The following PCP4L1 variants were observed in gnomAD, a reference collection of about 807,000 sequenced individuals.
PCP4L1 encodes Purkinje cell protein 4-like protein 1.
In PCP4L1, 9 loss-of-function variants were observed where a neutral mutation model predicts 9.6. The ratio of observed to expected loss-of-function variants is 0.94; its 90% confidence interval spans 0.57 to 1.64. PCP4L1 has a LOEUF of 1.64. Among genes scored for constraint, PCP4L1 ranks in the 40% most tolerant of loss-of-function variants. PCP4L1 has a pLI of 0.00. For missense variants in PCP4L1, 81 were observed against 80.8 expected (o/e 1.00, Z -0.01); for synonymous variants, 31 against 28.2 (o/e 1.10, Z -0.31).
At chr1:161,268,465 C>A (rs1271538012) in intron 1 of PCP4L1, among the ~76,000 whole-genome samples, 2 of 152,088 alleles carry the variant, frequency 1.3e-5, no homozygotes, top group Non-Finnish European at 2.9e-5. Context: ...TATATTCAAC[C>A]CCAGGTTATA....
intron 1 of PCP4L1, among the ~76,000 whole-genome samples, chr1:161,281,796 G>C (rs151038108): frequency 2.5e-4 from 3 of 11,944 alleles, no homozygotes; most frequent in Admixed American, 1.0e-3. Flanking sequence ...ACGGGGCGGC[G>C]GGGCAGAGGC....
At chr1:161,265,162 A>G (rs1252180098) in intron 1 of PCP4L1, among the ~76,000 whole-genome samples, 1 of 152,200 alleles carries the variant, frequency 6.6e-6, no homozygotes, top group Non-Finnish European at 1.5e-5. Context: ...CCTGATGAAC[A>G]AACAGCCTCT....
intron 1 of PCP4L1, among the ~76,000 whole-genome samples, chr1:161,262,303 A>G (rs563332428): frequency 6.6e-6 from 1 of 151,920 alleles, no homozygotes; most frequent in East Asian, 1.9e-4. Context: ...GCATGGTGGC[A>G]GGCGCCTGTA....
intron 2 of PCP4L1, 90 bp downstream of exon 2, chr1:161,283,812 G>C: frequency 1.5e-6 from 2 of 1,297,924 alleles, no homozygotes; most frequent in Non-Finnish European, 2.2e-6. Context: ...CCTAAAGTCA[G>C]ACATGAAAGG....
In PCP4L1 at chr1:161,284,626, A is replaced by G; in HGVS notation, c.*145A>G. ...TATACTCTTGTATCTGGCCCCCTCA[A>G]GCCATCACAGAAGTAGAGGCACAAG... On this transcript the variant is annotated 3_prime_UTR_variant, in exon 3 of 3. Coordinates refer to ENST00000504449, the MANE Select transcript of PCP4L1 (RefSeq NM_001102566.2). 9.1e-7 allele frequency: 1 copy of G among 1,101,810 alleles called. No individual in the cohort carries two copies. Among genetic ancestry groups the G allele is most frequent in the Non-Finnish European group, 1.3e-6 (1 of 778,524 alleles). The allele number at this position is 1,101,810 out of a possible 1,614,324, so 68.3% of individuals were successfully genotyped here.
At chr1:161,260,047 T>C (rs1669390731) in intron 1 of PCP4L1, among the ~76,000 whole-genome samples, 1 of 152,234 alleles carries the variant, frequency 6.6e-6, no homozygotes, top group African/African-American at 2.4e-5. Context: ...CAATCTATAT[T>C]AGCTATTATC....
intron 1 of PCP4L1, among the ~76,000 whole-genome samples, chr1:161,281,488 G>A (rs1190844998): frequency 3.1e-4 from 46 of 149,852 alleles, no homozygotes; most frequent in Admixed American, 1.4e-3. Flanking sequence ...CCTCCCTCCC[G>A]GACTGGGCGG....
chr1:161,276,525 A>G lies in PCP4L1; in HGVS notation c.10-7143A>G, dbSNP rs1050669335. 3.3e-5 allele frequency among the ~76,000 whole-genome samples: 5 copies of G among 152,266 alleles called. 1 individual carries two copies. In the South Asian group the frequency reaches 1.0e-3, roughly 32 times the overall value. ...TAGCAAGACCCAGTCTCTACAAAAA[A>G]TACAAAAATTACCCAGGTATAGTGG... On this transcript the variant is annotated intron_variant, in intron 1 of 2. Coordinates refer to ENST00000504449, the MANE Select transcript of PCP4L1 (RefSeq NM_001102566.2).
At chr1:161,272,325 C>T (rs12049499) in intron 1 of PCP4L1, among the ~76,000 whole-genome samples, 45,982 of 150,896 alleles carry the variant, frequency 0.3, 7,562 homozygotes, top group East Asian at 0.64. Context: ...TTTGGGAAGC[C>T]GAGGCGGGTA....
chr1:161,259,507 C>A (rs1219583809), intron 1 of PCP4L1, among the ~76,000 whole-genome samples: 1 of 152,182 alleles, frequency 6.6e-6, no homozygotes, highest in Non-Finnish European at 1.5e-5. Flanking sequence ...GGACGTGTTC[C>A]GGTATTTAGA....
intron 1 of PCP4L1, among the ~76,000 whole-genome samples, chr1:161,260,769 A>G (rs1288241857): frequency 6.6e-6 from 1 of 152,196 alleles, no homozygotes; most frequent in East Asian, 1.9e-4. Context: ...GGGGCTCAGT[A>G]GAATGATGAG....
chr1:161,259,096 C>A, intron 1 of PCP4L1, 113 bp downstream of exon 1: 1 of 1,407,494 alleles, frequency 7.1e-7, no homozygotes, highest in Non-Finnish European at 9.3e-7. Context: ...GCGAAGAACC[C>A]TCCAGGGGCG....
At chr1:161,281,518 C>A (rs1669800970) in intron 1 of PCP4L1, among the ~76,000 whole-genome samples, 2 of 148,496 alleles carry the variant, frequency 1.3e-5, no homozygotes, top group Admixed American at 6.7e-5. Flanking sequence ...CGGGGGCTGA[C>A]CCCCCACCTC....
At chr1:161,282,952 A>AT (rs1316224794) in intron 1 of PCP4L1, among the ~76,000 whole-genome samples, 14 of 151,926 alleles carry the variant, frequency 9.2e-5, no homozygotes, top group African/African-American at 2.7e-4. Context: ...CTCTTAACAG[A>AT]TTTTTCTGCA....
At chr1:161,277,350 A>G (rs1250412740) in intron 1 of PCP4L1, among the ~76,000 whole-genome samples, 2 of 152,220 alleles carry the variant, frequency 1.3e-5, no homozygotes, top group Admixed American at 1.3e-4. Flanking sequence ...CCTGTTGGCT[A>G]GGAGTATGGA....
chr1:161,281,824 C>T (rs1276740234), intron 1 of PCP4L1, among the ~76,000 whole-genome samples: 1 of 53,894 alleles, frequency 1.9e-5, no homozygotes, highest in Admixed American at 2.5e-4. Context: ...ACATCCCGGA[C>T]GGGGCGGCGG....
chr1:161,281,862 G>A (rs1297396604), intron 1 of PCP4L1, among the ~76,000 whole-genome samples: 5 of 146,496 alleles, frequency 3.4e-5, no homozygotes, highest in South Asian at 4.4e-4. Context: ...CATCTCAGAC[G>A]ATGGGTGGCC....
intron 1 of PCP4L1, among the ~76,000 whole-genome samples, chr1:161,279,314 T>C (rs759477436): frequency 6.6e-6 from 1 of 152,374 alleles, no homozygotes; most frequent in South Asian, 2.1e-4. Context: ...ATTTGTTGAA[T>C]AAGTGCAGGG....
chr1:161,276,757 ATG>A (rs1669706076), intron 1 of PCP4L1, among the ~76,000 whole-genome samples: 2 of 133,354 alleles, frequency 1.5e-5, no homozygotes, highest in South Asian at 4.9e-4. Flanking sequence ...GTATATATGT[ATG>A]TATATATATA....
Sources: allele counts gnomAD v4.1 joint callset (sites outside exome capture counted in the v4.1 genomes callset), GRCh38; gene constraint gnomAD v4.1.1; transcripts MANE v1.5; gene names NCBI Gene and HGNC (gene_info 2026-07-23, HGNC 2026-07-21).